The following BRMS1L variants were observed in gnomAD, a reference collection of about 807,000 sequenced individuals.
BRMS1L encodes the protein BRMS1 like transcriptional repressor.
In BRMS1L, 23 loss-of-function variants were observed where a neutral mutation model predicts 50.3. The ratio of observed to expected loss-of-function variants is 0.46; its 90% CI spans 0.33 to 0.65. The LOEUF is 0.65. Ranked by LOEUF, BRMS1L falls within the 30% of genes least tolerant of loss-of-function variation. BRMS1L has a pLI of 0.02. For synonymous variants in BRMS1L, 114 were observed against 126.9 expected (o/e 0.90, Z 0.69); for missense variants, 286 against 386.1 (o/e 0.74, Z 2.17).
intron 4 of BRMS1L, among the ~76,000 whole-genome samples, chr14:35,847,530 T>G (rs949753593): frequency 4.6e-5 from 7 of 152,170 alleles, no homozygotes; most frequent in Non-Finnish European, 1.0e-4. Flanking sequence ...TCCTTCTTTA[T>G]TTCCTAAAAA....
At chr14:35,851,557 A>T (rs2078211883) in intron 4 of BRMS1L, among the ~76,000 whole-genome samples, 1 of 152,244 alleles carries the variant, frequency 6.6e-6, no homozygotes, top group Non-Finnish European at 1.5e-5. Flanking sequence ...AGACAGGAGG[A>T]GGATTAAGAT....
intron 4 of BRMS1L, among the ~76,000 whole-genome samples, chr14:35,836,265 T>G (rs369659767): frequency 3.7e-4 from 57 of 152,238 alleles, no homozygotes; most frequent in African/African-American, 1.3e-3. Context: ...TTTCACTCTT[T>G]CTGATGACTT....
Position 35,870,341 on chromosome 14 carries a change from C to CTTTTTTTTTTTT in BRMS1L, c.855-9_855-8insTTTTTTTTTTTT, listed in dbSNP as rs60163392. On this transcript the variant is annotated intron_variant, in intron 9 of 9. Coordinates refer to ENST00000216807, the MANE Select transcript of BRMS1L (RefSeq NM_032352.4). Reference sequence around the variant, plus strand: ...AGACATTGTAATTCATTCATTCATTCTTTTTTTTTTCTTTTTAGTGCTGTA... The same window carrying CTTTTTTTTTTTT: ...AGACATTGTAATTCATTCATTCATTCTTTTTTTTTTTTTTTTTTTTTTCTTTTTAGTGCTGTA... The CTTTTTTTTTTTT allele has an allele frequency of 2.3e-6, 3 of 1,278,064 alleles. No individual in the cohort carries two copies. The highest frequency in any genetic ancestry group is 1.5e-5 in the African/African-American group (1 of 66,006). The allele number at this position is 1,278,064 out of a possible 1,614,324, so 79.2% of individuals were successfully genotyped here.
intron 4 of BRMS1L, among the ~76,000 whole-genome samples, chr14:35,854,097 A>G (rs2078248917): frequency 6.6e-6 from 1 of 152,104 alleles, no homozygotes; most frequent in African/African-American, 2.4e-5. Flanking sequence ...CAAACGAGAC[A>G]TTATTTTGGT....
chr14:35,826,898 G>A (rs1177870805), intron 1 of BRMS1L: 1 of 534,384 alleles, frequency 1.9e-6, no homozygotes, highest in Admixed American at 3.6e-5. Context: ...AACGCGGCGT[G>A]GTCCTGCCCC....
chr14:35,857,250 A>ATATATATATATATATGTATATATAT lies in BRMS1L; in HGVS notation c.442-5340_442-5339insTATATATATATATATGTATATATAT, dbSNP rs1232726255. The stretch of plus-strand genomic sequence containing the variant: ...AGCAAGACTCCGTCTCAAAAAAAAA[A>ATATATATATATATATGTATATATAT]ATATATATATATATGTATATATACA... On this transcript the variant is annotated intron_variant, in intron 4 of 9. Transcript: ENST00000216807. Among the ~76,000 whole-genome samples the ATATATATATATATATGTATATATAT allele has an allele frequency of 3.4e-5, 5 of 147,030 alleles. No homozygotes were observed. The Admixed American group carries it at 3.4e-4, about 10-fold the overall frequency.
intron 4 of BRMS1L, among the ~76,000 whole-genome samples, chr14:35,857,250 A>AAAAT (rs1566426658): frequency 6.8e-6 from 1 of 147,032 alleles, no homozygotes; most frequent in African/African-American, 2.5e-5. Context: ...CAAAAAAAAA[A>AAAAT]ATATATATAT....
chr14:35,836,553 G>C (rs978867808), intron 4 of BRMS1L, among the ~76,000 whole-genome samples: 1 of 152,130 alleles, frequency 6.6e-6, no homozygotes, highest in African/African-American at 2.4e-5. Flanking sequence ...TGTTGCCCAG[G>C]CTGGTCTCAA....
At chr14:35,844,229 G>C (rs745455062) in intron 4 of BRMS1L, among the ~76,000 whole-genome samples, 28 of 152,096 alleles carry the variant, frequency 1.8e-4, no homozygotes, top group Non-Finnish European at 3.8e-4. Context: ...GGTACCACTG[G>C]GGTATGAAAA....
intron 4 of BRMS1L, among the ~76,000 whole-genome samples, chr14:35,835,255 C>T (rs542715163): frequency 6.6e-6 from 1 of 152,224 alleles, no homozygotes; most frequent in South Asian, 2.1e-4. Context: ...AATATACACT[C>T]AATGGTGCAG....
intron 1 of BRMS1L, among the ~76,000 whole-genome samples, chr14:35,829,026 A>G (rs4981308): frequency 0.22 from 32,839 of 151,262 alleles, 3,938 homozygotes; most frequent in East Asian, 0.35. Context: ...GCTCGCTGCA[A>G]CCTCTGCCTC....
At chr14:35,864,046 T>C (rs1217199761) in intron 6 of BRMS1L, 93 bp downstream of exon 6, 9 of 920,156 alleles carry the variant, frequency 9.8e-6, no homozygotes, top group Non-Finnish European at 1.5e-5. Flanking sequence ...ACACTGACTT[T>C]ATTTGCATGA....
Position 35,826,416 on chromosome 14 carries a change from G to C in BRMS1L, c.-101G>C. On this transcript the variant is annotated 5_prime_UTR_variant, in exon 1 of 10. Coordinates refer to ENST00000216807, the MANE Select transcript of BRMS1L (RefSeq NM_032352.4). ...GGGGAGGAGCCAAGGGGGCGAGCAA[G>C]CTCGGTGGCTGGGTGGGTTGGGGCG... 1 of 1,521,616 alleles carries C rather than the reference G, an allele frequency of 6.6e-7. No individual in the cohort carries two copies. The highest frequency in any genetic ancestry group is 2.5e-5 in the East Asian group (1 of 40,628). 94.3% of individuals were successfully genotyped at this position (1,521,616 alleles called of 1,614,324 possible).
At chr14:35,833,468 C>T (rs975316773) in intron 3 of BRMS1L, among the ~76,000 whole-genome samples, 6 of 151,714 alleles carry the variant, frequency 4.0e-5, no homozygotes, top group East Asian at 3.9e-4. Context: ...TTTTTTAATA[C>T]GTAAAAGTGA....
chr14:35,845,769 G>A (rs1166789821), intron 4 of BRMS1L, among the ~76,000 whole-genome samples: 1 of 152,010 alleles, frequency 6.6e-6, no homozygotes, highest in East Asian at 1.9e-4. Flanking sequence ...TAGAATTGGG[G>A]GGTTTTACTG....
chr14:35,840,618 A>G (rs1454717683), intron 4 of BRMS1L, among the ~76,000 whole-genome samples: 1 of 152,102 alleles, frequency 6.6e-6, no homozygotes, highest in Non-Finnish European at 1.5e-5. Context: ...GTGTTCCGGA[A>G]TTTATCCATT....
chr14:35,830,067 T>C (rs899050997), intron 1 of BRMS1L, among the ~76,000 whole-genome samples: 1 of 152,200 alleles, frequency 6.6e-6, no homozygotes, highest in Non-Finnish European at 1.5e-5. Context: ...TTTTTCTTTT[T>C]CTTTTTTTTT....
In BRMS1L at chr14:35,826,670, A is replaced by G. The variant is rs112776558; in HGVS notation, c.142+12A>G. ...TGGAGATAGCTCAGGTGCGCGACCC[A>G]CTGCTGGGACCCTGAGTCCCCGCGC... On this transcript the variant is annotated intron_variant, in intron 1 of 9. Transcript: ENST00000216807. The G allele has an allele frequency of 2.2e-5, 35 of 1,610,040 alleles. No homozygotes were observed. The African/African-American group carries it at 3.7e-4, about 17-fold the overall frequency.
intron 6 of BRMS1L, among the ~76,000 whole-genome samples, chr14:35,864,195 C>T (rs975602143): frequency 6.6e-5 from 10 of 152,130 alleles, no homozygotes; most frequent in African/African-American, 1.9e-4. Flanking sequence ...TGTGACTTGT[C>T]GTTCACCAAG....
Sources: gnomAD v4.1 joint callset for allele counts (sites outside exome capture counted in the v4.1 genomes callset) on GRCh38, gnomAD v4.1.1 for gene constraint, MANE v1.5 for transcripts, NCBI Gene and HGNC (gene_info 2026-07-23, HGNC 2026-07-21) for gene names.